ZRSR2: variants seen among roughly 807,000 people sequenced by gnomAD.
The protein encoded by ZRSR2 is U2 small nuclear ribonucleoprotein auxiliary factor 35 kDa subunit-related protein 2.
A neutral mutation model predicts 39.4 loss-of-function variants in ZRSR2; 3 were observed. The ratio of observed to expected loss-of-function variants is 0.08; its 90% CI spans 0.03 to 0.20. ZRSR2 has a LOEUF of 0.20. ZRSR2 is among the 10% of genes least tolerant of loss of function. The probability of loss-of-function intolerance (pLI) is 1.00; values close to 1 mark genes in which losing one functional copy is unlikely to be tolerated. For synonymous variants in ZRSR2, 137 were observed against 136.0 expected (o/e 1.01, Z -0.05); for missense variants, 256 against 391.5 (o/e 0.65, Z 2.92).
chrX:15,790,528 G>A lies in ZRSR2; in HGVS notation c.33G>A (p.Glu11=). 1 of 1,161,637 alleles carries A rather than the reference G, an allele frequency of 8.6e-7. No homozygotes were observed. The highest frequency in any genetic ancestry group is 1.1e-6 in the Non-Finnish European group (1 of 871,642). The change falls in exon 1 of 11, where the codon GAG becomes GAA. Residue 11 remains glutamate (E), a synonymous_variant. Coordinates refer to ENST00000307771, the MANE Select transcript of ZRSR2 (RefSeq NM_005089.4). ...CGCCCGAGAAGATGACGTTTCCCGA[G>A]AAACCAAGGTAAGCGCCGTACGGGG... is the stretch of plus-strand genomic sequence containing the variant. MAAPEKMTFP[E]KPSHKKYRAA...
At chrX:15,808,352 G>A (rs935407188) in intron 6 of ZRSR2, 81 bp downstream of exon 6, 20 of 920,385 alleles carry the variant, frequency 2.2e-5, no homozygotes, top group South Asian at 1.1e-4. Context: ...TGTTAGTTTC[G>A]TGGTAGGTTA....
At chrX:15,811,423 ACC>A (rs11325014) in intron 7 of ZRSR2, among the ~76,000 whole-genome samples, 4,515 of 91,940 alleles carry the variant, frequency 0.049, 246 homozygotes, top group African/African-American at 0.16. Flanking sequence ...CTTGATTCTC[ACC>A]CCCCCCCCTT....
intron 3 of ZRSR2, among the ~76,000 whole-genome samples, chrX:15,800,758 C>G (rs1211816163): frequency 2.7e-5 from 3 of 112,455 alleles, no homozygotes; most frequent in African/African-American, 9.7e-5. Flanking sequence ...ACAGTACCCA[C>G]TGTACAGATG....
intron 2 of ZRSR2, among the ~76,000 whole-genome samples, chrX:15,798,774 A>T (rs1275447243): frequency 8.9e-6 from 1 of 112,135 alleles, no homozygotes; most frequent in African/African-American, 3.2e-5. Flanking sequence ...ACTTCAGGTA[A>T]CAACACTCTT....
At chrX:15,802,140 A>G (rs1932691928) in intron 3 of ZRSR2, among the ~76,000 whole-genome samples, 1 of 112,301 alleles carries the variant, frequency 8.9e-6, no homozygotes, top group African/African-American at 3.2e-5. Flanking sequence ...TGTTCCTGGA[A>G]TCTGTATTTG....
At chrX:15,802,864 T>C (rs1414831029) in intron 3 of ZRSR2, among the ~76,000 whole-genome samples, 1 of 111,825 alleles carries the variant, frequency 8.9e-6, no homozygotes, top group African/African-American at 3.2e-5. Flanking sequence ...TTTAGGTGTT[T>C]GGAGGCAAAC....
chrX:15,790,524 C>T lies in ZRSR2; in HGVS notation c.29C>T (p.Pro10Leu). The stretch of plus-strand genomic sequence containing the variant: ...GCTGCGCCCGAGAAGATGACGTTTC[C>T]CGAGAAACCAAGGTAAGCGCCGTAC... MAAPEKMTFPEKPSHKKYRA... is the reference protein window; with the variant it reads MAAPEKMTFLEKPSHKKYRA... Residue 10 changes from proline (P) to leucine (L), a missense_variant, in exon 1 of 11, where the codon CCC (proline) becomes CTC (leucine). Transcript: ENST00000307771. The T allele has an allele frequency of 1.7e-6, 2 of 1,161,669 alleles. No individual in the cohort carries two copies. The highest frequency in any genetic ancestry group is 2.3e-6 in the Non-Finnish European group (2 of 871,670).
At chrX:15,797,804 CGTG>C (rs756606081) in intron 2 of ZRSR2, among the ~76,000 whole-genome samples, 29 of 111,413 alleles carry the variant, frequency 2.6e-4, no homozygotes, top group South Asian at 1.1e-3. Context: ...CGATTGTACA[CGTG>C]GGGAAAATGC....
intron 8 of ZRSR2, 101 bp downstream of exon 8, chrX:15,815,991 A>G (rs1932968498): frequency 1.6e-6 from 1 of 642,819 alleles, no homozygotes; most frequent in Admixed American, 3.9e-5. Flanking sequence ...CAGGCACGCT[A>G]GCACTCTATA....
At chrX:15,790,855 T>C (rs1054726061) in intron 1 of ZRSR2, 79 bp from the exon 2 acceptor site, 12 of 969,871 alleles carry the variant, frequency 1.2e-5, no homozygotes, top group South Asian at 9.9e-5. Flanking sequence ...TTTCCTTTCA[T>C]TGGGCACAGA....
At chrX:15,797,430 G>A (rs892963474) in intron 2 of ZRSR2, among the ~76,000 whole-genome samples, 5 of 109,690 alleles carry the variant, frequency 4.6e-5, no homozygotes, top group African/African-American at 1.3e-4. Context: ...GGCTGGTCTC[G>A]AACTCCTGAC....
chrX:15,791,509 C>G (rs1006247568), intron 2 of ZRSR2, among the ~76,000 whole-genome samples: 8 of 111,194 alleles, frequency 7.2e-5, no homozygotes, highest in African/African-American at 2.6e-4. Flanking sequence ...GGGTCTTGTT[C>G]TGTTGCCCAG....
At chrX:15,801,520 C>T (rs1380049869) in intron 3 of ZRSR2, 3 of 176,589 alleles carry the variant, frequency 1.7e-5, no homozygotes, top group Admixed American at 1.6e-4. Flanking sequence ...TGTGAGCCAC[C>T]GCGCTCAGCC....
In ZRSR2 at chrX:15,809,264, A is replaced by G; in HGVS notation, c.503A>G (p.Asp168Gly). ...GTGGATTTCAGAGTAATGGAGAAGG[A>G]TCGAGCTAATTGTCCCTTCTACAGT... is the stretch of plus-strand genomic sequence containing the variant. ...PPVDFRVMEK[D>G]RANCPFYSKT... is the part of the protein sequence containing the mutation. The change falls in exon 7 of 11, where the codon GAT becomes GGT. Residue 168 changes from aspartate to glycine, a missense_variant. Asp to Gly is a moderately conservative substitution (Grantham distance 94). Coordinates refer to ENST00000307771, the MANE Select transcript of ZRSR2 (RefSeq NM_005089.4). The G allele has an allele frequency of 8.3e-7, 1 of 1,210,895 alleles. No homozygotes were observed. The highest frequency in any genetic ancestry group is 1.1e-6 in the Non-Finnish European group (1 of 894,445).
intron 2 of ZRSR2, 152 bp downstream of exon 2, chrX:15,791,165 A>G: frequency 2.0e-6 from 1 of 489,671 alleles, no homozygotes; most frequent in Non-Finnish European, 3.5e-6. Context: ...TTAGAAACAC[A>G]TGTCAGAAAC....
rs762178833 is a variant in ZRSR2 at position 15,822,833 on chromosome X, A to G, written c.1040A>G (p.Tyr347Cys). ...TTCTGGGAAGCTAATAGAGACATCT[A>G]CTTGTCTCCAGATCGGACTGGCTCC... Reference protein sequence around the residue: ...NEFWEANRDIYLSPDRTGSSF... With the variant: ...NEFWEANRDICLSPDRTGSSF... Residue 347 changes from tyrosine to cysteine, a missense_variant, in exon 11 of 11, where the codon TAC becomes TGC. By Grantham distance (194) the Tyr-to-Cys change is radical. Transcript: ENST00000307771. 5 of 1,211,105 alleles carry G rather than the reference A, an allele frequency of 4.1e-6. No individual in the cohort carries two copies. In the East Asian group the frequency reaches 1.2e-4, roughly 29 times the overall value.
At chrX:15,799,310 T>G (rs895621111) in intron 2 of ZRSR2, among the ~76,000 whole-genome samples, 1 of 111,405 alleles carries the variant, frequency 9.0e-6, no homozygotes, top group Admixed American at 9.6e-5. Context: ...CCTAGCAAGC[T>G]TTCATTCGAT....
intron 2 of ZRSR2, among the ~76,000 whole-genome samples, chrX:15,795,089 C>T (rs1205040431): frequency 1.9e-4 from 6 of 31,266 alleles, no homozygotes; most frequent in Non-Finnish European, 2.7e-4. Flanking sequence ...CTGCACTTTT[C>T]CCCCCCCCCC....
chrX:15,808,813 G>A (rs1281793882), intron 6 of ZRSR2, among the ~76,000 whole-genome samples: 1 of 110,276 alleles, frequency 9.1e-6, no homozygotes, highest in Non-Finnish European at 1.9e-5. Flanking sequence ...TAGAGATGGG[G>A]TTTCTCCATG....
Sources: gnomAD v4.1 joint callset for allele counts (sites outside exome capture counted in the v4.1 genomes callset) on GRCh38, gnomAD v4.1.1 for gene constraint, MANE v1.5 for transcripts, NCBI Gene and HGNC (gene_info 2026-07-23, HGNC 2026-07-21) for gene names.